The following OR2V2 variants were observed in gnomAD, a reference collection of about 807,000 sequenced individuals.
OR2V2 encodes the protein olfactory receptor 2V2.
For synonymous variants in OR2V2, 161 were observed against 151.3 expected, an observed-to-expected ratio of 1.06 and a Z score of -0.47; for missense variants, 392 against 392.2, an observed-to-expected ratio of 1.00 and a Z score of 0.00.
At chr5:181,150,022 G>T (rs4976822) in intron 1 of OR2V2, among the ~76,000 whole-genome samples, 44,099 of 152,092 alleles carry the variant, frequency 0.29, 8,035 homozygotes, top group African/African-American at 0.52. Flanking sequence ...ATTTCTGGGG[G>T]ACCTGGTTTG....
rs540019840 is a variant in OR2V2 at position 181,157,124 on chromosome 5, C to A, written c.*1234C>A. 52 of 152,388 alleles carry A rather than the reference C, an allele frequency of 3.4e-4. No homozygotes were observed. Among genetic ancestry groups the A allele is most frequent in the African/African-American group, 1.2e-3 (50 of 41,592 alleles). The allele number at this position is 152,388 out of a possible 1,614,324, so 9.4% of individuals were successfully genotyped here. A position where few individuals can be genotyped will look rare whatever the true frequency, so the allele number is the denominator to read the frequency against. On this transcript the variant is annotated 3_prime_UTR_variant, in exon 2 of 2. Transcript: ENST00000641492. Reference sequence around the variant, plus strand: ...CAGGACTTGTATCCATCCTTCCAAGCTCTGTACCTGTCCTATTTGCAGTAA... The same window carrying A: ...CAGGACTTGTATCCATCCTTCCAAGATCTGTACCTGTCCTATTTGCAGTAA...
At position 181,158,521 on chromosome 5, in the gene OR2V2, G is replaced by A. The variant is rs1763295923; in HGVS notation, c.*2631G>A. The A allele has an allele frequency of 2.0e-5, 3 of 152,070 alleles. No homozygotes were observed. Among genetic ancestry groups the A allele is most frequent in the Admixed American group, 2.0e-4 (3 of 15,260 alleles). 9.4% of individuals were successfully genotyped at this position (152,070 alleles called of 1,614,324 possible). ...GTTACTTGGGAGGCTGAGTTCCTTG[G>A]GAGGCTGAGGCGGAAGGATTGCTTG... On this transcript the variant is annotated 3_prime_UTR_variant, in exon 2 of 2. Coordinates refer to ENST00000641492, the MANE Select transcript of OR2V2 (RefSeq NM_206880.2).
In OR2V2 at chr5:181,155,428, G is replaced by A. The variant is rs750915586; in HGVS notation, c.486G>A (p.Val162=). 4.3e-6 allele frequency: 7 copies of A among 1,614,078 alleles called. No individual in the cohort carries two copies. The highest frequency in any genetic ancestry group is 1.3e-5 in the African/African-American group (1 of 74,916). Residue 162 remains valine, a synonymous_variant, in exon 2 of 2, where the codon GTG becomes GTA. Coordinates refer to ENST00000641492, the MANE Select transcript of OR2V2 (RefSeq NM_206880.2). The part of the protein sequence containing the change: ...FGIIDGLIQM[V]VVMNFPYCGL... The stretch of plus-strand genomic sequence containing the variant: ...TAATCGATGGCTTGATCCAGATGGT[G>A]GTAGTAATGAATTTCCCCTACTGTG...
rs1763242403 is a variant in OR2V2 at position 181,155,140 on chromosome 5, G to T, written c.198G>T (p.Gln66His). Residue 66 changes from glutamine (Q) to histidine (H), a missense_variant, in exon 2 of 2, where the codon CAG (glutamine) becomes CAT (histidine). Coordinates refer to ENST00000641492, the MANE Select transcript of OR2V2 (RefSeq NM_206880.2). ...CCCCCATGTACTTCTTCCTCAGCCA[G>T]CTCTCCCTCATGGACCTCATGTTGG... Reference protein sequence around the residue: ...LHTPMYFFLSQLSLMDLMLVC... With the variant: ...LHTPMYFFLSHLSLMDLMLVC... 1 of 1,614,164 alleles carries T rather than the reference G, an allele frequency of 6.2e-7. No individual in the cohort carries two copies.
chr5:181,149,250 G>T (rs1450251345), intron 1 of OR2V2, among the ~76,000 whole-genome samples: 3 of 152,146 alleles, frequency 2.0e-5, no homozygotes, highest in African/African-American at 7.2e-5. Context: ...GATATGTGGG[G>T]TGGATATGTT....
rs764207975 is a variant in OR2V2, at chr5:181,155,675, C to A, written c.733C>A (p.His245Asn). The A allele has an allele frequency of 3.7e-6, 6 of 1,614,124 alleles. No homozygotes were observed. The highest frequency in any genetic ancestry group is 5.1e-6 in the Non-Finnish European group (6 of 1,180,062). Residue 245 changes from histidine to asparagine, a missense_variant, in exon 2 of 2, where the codon CAC becomes AAC. Physicochemically the swap from His to Asn is moderately conservative, Grantham distance 68. Coordinates refer to ENST00000641492, the MANE Select transcript of OR2V2 (RefSeq NM_206880.2). ...WKKALATCSS[H>N]LTAVTLFYGA... Reference sequence around the variant, plus strand: ...AAAGGCCCTGGCCACCTGCTCCTCCCACCTGACAGCTGTCACCCTCTTCTA... The same window carrying A: ...AAAGGCCCTGGCCACCTGCTCCTCCAACCTGACAGCTGTCACCCTCTTCTA...
intron 1 of OR2V2, among the ~76,000 whole-genome samples, chr5:181,152,487 G>C (rs1431915451): frequency 6.6e-6 from 1 of 152,202 alleles, no homozygotes; most frequent in Non-Finnish European, 1.5e-5. Flanking sequence ...GTGAGATGCA[G>C]CTCTCGTTAC....
intron 1 of OR2V2, among the ~76,000 whole-genome samples, chr5:181,148,824 G>A (rs544377483): frequency 7.9e-5 from 12 of 152,234 alleles, no homozygotes; most frequent in Non-Finnish European, 1.5e-4. Flanking sequence ...CCAAGAAGGC[G>A]AGGAGGAGGT....
chr5:181,150,716 C>T (rs1461162994), intron 1 of OR2V2, among the ~76,000 whole-genome samples: 1 of 152,178 alleles, frequency 6.6e-6, no homozygotes, highest in Non-Finnish European at 1.5e-5. Flanking sequence ...TGGCTCACGC[C>T]TGGAATCCCA....
intron 1 of OR2V2, among the ~76,000 whole-genome samples, chr5:181,154,252 C>T (rs1169758787): frequency 6.6e-6 from 1 of 152,194 alleles, no homozygotes; most frequent in Non-Finnish European, 1.5e-5. Flanking sequence ...ATGGTCCCGG[C>T]CCCGTTAAAC....
chr5:181,149,210 G>T (rs2546436), intron 1 of OR2V2, among the ~76,000 whole-genome samples: 12,876 of 152,170 alleles, frequency 0.085, 769 homozygotes, highest in African/African-American at 0.18. Flanking sequence ...CCAGGCGGGG[G>T]CTGGCAGGGG....
chr5:181,156,042 C>CTTTCTTTCTTTCTTTCTTTCTTTT lies in OR2V2; in HGVS notation c.*175_*176insTTTTCTTTCTTTCTTTCTTTCTTT. The CTTTCTTTCTTTCTTTCTTTCTTTT allele has an allele frequency of 2.1e-6, 1 of 468,936 alleles. No homozygotes were observed. Among genetic ancestry groups the CTTTCTTTCTTTCTTTCTTTCTTTT allele is most frequent in the Non-Finnish European group, 3.6e-6 (1 of 274,666 alleles). The allele number at this position is 468,936 out of a possible 1,614,324, so 29.0% of individuals were successfully genotyped here. On this transcript the variant is annotated 3_prime_UTR_variant, in exon 2 of 2. Transcript: ENST00000641492. ...GGTCTTTTTAAACACTACATCAGTT[C>CTTTCTTTCTTTCTTTCTTTCTTTT]TTTCTTTCTTTCTTTCTTTCTTTCT...
intron 1 of OR2V2, among the ~76,000 whole-genome samples, chr5:181,151,038 T>G (rs1763185198): frequency 6.6e-6 from 1 of 150,828 alleles, no homozygotes; most frequent in East Asian, 2.0e-4. Flanking sequence ...AGCTGTGGAG[T>G]GAAAGCAAGC....
At chr5:181,153,359 T>C (rs1304619199) in intron 1 of OR2V2, among the ~76,000 whole-genome samples, 2 of 152,206 alleles carry the variant, frequency 1.3e-5, no homozygotes, top group African/African-American at 4.8e-5. Flanking sequence ...AATCATATCA[T>C]GTCTCTGGTG....
chr5:181,152,601 G>A (rs745318156), intron 1 of OR2V2, among the ~76,000 whole-genome samples: 6 of 152,312 alleles, frequency 3.9e-5, no homozygotes, highest in African/African-American at 9.6e-5. Flanking sequence ...TTGCATTTCC[G>A]GACATGCTGA....
At position 181,155,440 on chromosome 5, in the gene OR2V2, T is replaced by C; in HGVS notation, c.498T>C (p.Asn166=). The part of the protein sequence containing the change: ...DGLIQMVVVM[N]FPYCGLRKVN... ...TGATCCAGATGGTGGTAGTAATGAA[T>C]TTCCCCTACTGTGGCTTGAGGAAGG... Residue 166 remains asparagine (N), a synonymous_variant, in exon 2 of 2, where the codon AAT becomes AAC. Transcript: ENST00000641492. 6.2e-7 allele frequency: 1 copy of C among 1,614,218 alleles called. No homozygotes were observed. The highest frequency in any genetic ancestry group is 8.5e-7 in the Non-Finnish European group (1 of 1,180,034).
Position 181,155,512 on chromosome 5 carries a change from T to G in OR2V2, c.570T>G (p.Cys190Trp), listed in dbSNP as rs1012044538. Residue 190 changes from cysteine to tryptophan, a missense_variant, in exon 2 of 2, where the codon TGT becomes TGG. Coordinates refer to ENST00000641492, the MANE Select transcript of OR2V2 (RefSeq NM_206880.2). ...TGCTATCCTTGTTGAAGCTGGCCTG[T>G]GTAGACACATCCCTGTTTGAGAAGG... ...CEMLSLLKLA[C>W]VDTSLFEKVI... 1.2e-6 allele frequency: 2 copies of G among 1,614,092 alleles called. No homozygotes were observed. Among genetic ancestry groups the G allele is most frequent in the Admixed American group, 3.3e-5 (2 of 59,996 alleles).
intron 1 of OR2V2, among the ~76,000 whole-genome samples, chr5:181,154,157 A>G (rs763049836): frequency 1.3e-5 from 2 of 152,206 alleles, no homozygotes; most frequent in Non-Finnish European, 2.9e-5. Flanking sequence ...CTCTCAGAAC[A>G]TAGAGAGAGA....
At position 181,155,536 on chromosome 5, in the gene OR2V2, G is replaced by A. The variant is rs1297183667; in HGVS notation, c.594G>A (p.Lys198=). Residue 198 remains lysine, a synonymous_variant, in exon 2 of 2, where the codon AAG becomes AAA. Transcript: ENST00000641492. ...GTGTAGACACATCCCTGTTTGAGAA[G>A]GTGATATTTGCTTGCTGTGTCTTCA... ...LACVDTSLFE[K]VIFACCVFML... 1.2e-6 allele frequency: 2 copies of A among 1,614,134 alleles called. No homozygotes were observed. The highest frequency in any genetic ancestry group is 3.3e-5 in the Admixed American group (2 of 60,008).
Sources: allele counts gnomAD v4.1 joint callset (sites outside exome capture counted in the v4.1 genomes callset), GRCh38; gene constraint gnomAD v4.1.1; transcripts MANE v1.5; gene names NCBI Gene and HGNC (gene_info 2026-07-23, HGNC 2026-07-21).